Variants in BAAT observed in about 807,000 individuals in gnomAD.
The protein encoded by BAAT is bile acid CoA: amino acid N-acyltransferase (glycine N-choloyltransferase).
In BAAT, 13 loss-of-function variants were observed where a neutral mutation model predicts 18.9. The observed-to-expected ratio is 0.69, with a 90% CI of 0.45 to 1.10. BAAT has a LOEUF of 1.10. BAAT is among the 50% of genes least tolerant of loss of function. The pLI is 0.00. For synonymous variants in BAAT, 170 were observed against 190.7 expected, an observed-to-expected ratio of 0.89 and a Z score of 0.89; for missense variants, 489 against 504.0, an observed-to-expected ratio of 0.97 and a Z score of 0.28.
intron 1 of BAAT, among the ~76,000 whole-genome samples, chr9:101,374,840 T>A (rs1279618705): frequency 2.0e-5 from 3 of 146,964 alleles, no homozygotes; most frequent in Non-Finnish European, 3.0e-5. Flanking sequence ...CTGCTTTATT[T>A]AAAAAAAAAA....
chr9:101,367,597 T>C (rs1300900522), intron 3 of BAAT, among the ~76,000 whole-genome samples: 1 of 151,756 alleles, frequency 6.6e-6, no homozygotes, highest in Non-Finnish European at 1.5e-5. Context: ...CGATCTTTCC[T>C]CCTCAGCCCC....
Position 101,362,677 on chromosome 9 carries a change from G to T in BAAT, c.1008C>A (p.His336Gln), listed in dbSNP as rs144681311. The T allele has an allele frequency of 2.5e-6, 4 of 1,614,134 alleles. No individual in the cohort carries two copies. The highest frequency in any genetic ancestry group is 3.4e-6 in the Non-Finnish European group (4 of 1,180,018). ...TCAGCTGTCCTATGGCTTGTTCAGC[G>T]TGTGCTTTGCTGTTGATAGTCTTAT... Reference protein sequence around the residue: ...EGDKTINSKAHAEQAIGQLKR... With the variant: ...EGDKTINSKAQAEQAIGQLKR... Residue 336 changes from histidine (H) to glutamine (Q), a missense_variant, in exon 4 of 4, where the codon CAC becomes CAA. Physicochemically the swap from His to Gln is conservative, Grantham distance 24 (BLOSUM62 0). Coordinates refer to ENST00000259407, the MANE Select transcript of BAAT (RefSeq NM_001701.4).
At chr9:101,364,406 A>C (rs994442565) in intron 3 of BAAT, among the ~76,000 whole-genome samples, 1 of 152,212 alleles carries the variant, frequency 6.6e-6, no homozygotes, top group Admixed American at 6.5e-5. Context: ...AGAAATGTCA[A>C]TCTAATCTCC....
chr9:101,374,352 C>A (rs1441711452), intron 1 of BAAT, among the ~76,000 whole-genome samples: 1 of 152,126 alleles, frequency 6.6e-6, no homozygotes, highest in Non-Finnish European at 1.5e-5. Flanking sequence ...TCTTTAAGCA[C>A]CAACATTTTA....
At chr9:101,374,174 A>G (rs1678539590) in intron 1 of BAAT, among the ~76,000 whole-genome samples, 1 of 152,168 alleles carries the variant, frequency 6.6e-6, no homozygotes. Flanking sequence ...ACTAAATCCA[A>G]ACAGTACACA....
rs1412368758 is a variant in BAAT, at chr9:101,370,897, T to A, written c.466+42A>T. 4 of 1,591,316 alleles carry A rather than the reference T, an allele frequency of 2.5e-6. No homozygotes were observed. In the East Asian group the frequency reaches 8.9e-5, roughly 36 times the overall value. ...TTCTAGACGGATAATGTATTTAAAGTGGAAAAACAAGAATAACAATAAGCA... is the reference window on the plus strand; with the variant it reads ...TTCTAGACGGATAATGTATTTAAAGAGGAAAAACAAGAATAACAATAAGCA... On this transcript the variant is annotated intron_variant, in intron 2 of 3. Transcript: ENST00000259407.
Position 101,362,793 on chromosome 9 carries a change from T to G in BAAT, c.892A>C (p.Thr298Pro). ...NALGLLELYR[T>P]FETTQVGASQ... is the part of the protein sequence containing the mutation. ...GCCCCAACTTGAGTTGTCTCAAAAG[T>G]GCGATAGAGCTCTAGTAACCCCAAG... The change falls in exon 4 of 4, where the codon ACT (threonine) becomes CCT (proline). Residue 298 changes from threonine to proline, a missense_variant. By Grantham distance (38) the Thr-to-Pro change is conservative. Coordinates refer to ENST00000259407, the MANE Select transcript of BAAT (RefSeq NM_001701.4). 6.2e-7 allele frequency: 1 copy of G among 1,614,132 alleles called. No individual in the cohort carries two copies. Among genetic ancestry groups the G allele is most frequent in the Non-Finnish European group, 8.5e-7 (1 of 1,180,028 alleles).
chr9:101,382,688 G>A (rs528910497), intron 1 of BAAT, among the ~76,000 whole-genome samples: 6 of 152,110 alleles, frequency 3.9e-5, no homozygotes, highest in South Asian at 2.1e-4. Flanking sequence ...TCTTTCTTTC[G>A]AGGAGGCAAG....
Position 101,364,473 on chromosome 9 carries a change from C to A in BAAT, c.670-1458G>T, listed in dbSNP as rs1829792832. ...AAAGTTTGAACCACCTATCACCAAA[C>A]CTGTTATGTAAGAGAATAAGATACC... On this transcript the variant is annotated intron_variant, in intron 3 of 3. Transcript: ENST00000259407. Among the ~76,000 whole-genome samples the A allele has an allele frequency of 3.3e-5, 5 of 152,278 alleles. No individual in the cohort carries two copies. The South Asian group carries it at 8.3e-4, about 25-fold the overall frequency.
chr9:101,369,692 A>G (rs1356289081), intron 2 of BAAT, among the ~76,000 whole-genome samples: 1 of 152,188 alleles, frequency 6.6e-6, no homozygotes. Flanking sequence ...ATACATAATA[A>G]AGTGGTCTAT....
intron 1 of BAAT, among the ~76,000 whole-genome samples, chr9:101,380,701 G>T (rs1830118138): frequency 3.3e-5 from 5 of 152,200 alleles, no homozygotes. Flanking sequence ...AACAGTAGGA[G>T]ATATGTCAAT....
chr9:101,378,340 T>A (rs868659617), intron 1 of BAAT, among the ~76,000 whole-genome samples: 1 of 152,128 alleles, frequency 6.6e-6, no homozygotes, highest in Non-Finnish European at 1.5e-5. Context: ...ACTACAAGGC[T>A]ACAGTAAACA....
chr9:101,368,348 A>G, intron 2 of BAAT, 26 bp from the exon 3 acceptor site: 1 of 1,600,588 alleles, frequency 6.2e-7, no homozygotes, highest in Non-Finnish European at 8.5e-7. Context: ...ACAGAATTGT[A>G]CATGAAGAGA....
At chr9:101,374,392 C>CTTATTA (rs142878878) in intron 1 of BAAT, among the ~76,000 whole-genome samples, 10,365 of 152,200 alleles carry the variant, frequency 0.068, 467 homozygotes, top group South Asian at 0.14. Context: ...AGCCACATTT[C>CTTATTA]TAAGTTCAGC....
rs1157565994 is a variant in BAAT at position 101,368,115 on chromosome 9, A to G, written c.669+5T>C. ...ACTCAAACCTACTGAAAAGACAAAAATTACCTTTGGATGTCTCAGGAGAAA... is the reference window on the plus strand; with the variant it reads ...ACTCAAACCTACTGAAAAGACAAAAGTTACCTTTGGATGTCTCAGGAGAAA... On this transcript the variant is annotated splice_donor_5th_base_variant and intron_variant, in intron 3 of 3. Coordinates refer to ENST00000259407, the MANE Select transcript of BAAT (RefSeq NM_001701.4). The G allele has an allele frequency of 3.7e-6, 6 of 1,612,974 alleles. No individual in the cohort carries two copies. The highest frequency in any genetic ancestry group is 1.3e-5 in the African/African-American group (1 of 74,894).
At chr9:101,363,302 C>A (rs1235950845) in intron 3 of BAAT, among the ~76,000 whole-genome samples, 1 of 152,106 alleles carries the variant, frequency 6.6e-6, no homozygotes, top group Non-Finnish European at 1.5e-5. Flanking sequence ...TAAGAAATGG[C>A]ACATGACTAT....
intron 1 of BAAT, among the ~76,000 whole-genome samples, chr9:101,382,653 A>G (rs1830150447): frequency 6.6e-6 from 1 of 152,098 alleles, no homozygotes; most frequent in Admixed American, 6.6e-5. Context: ...GGTCTCTTTT[A>G]CTGCCTTATG....
In BAAT at chr9:101,384,941, A is replaced by C. The variant is rs1168748252; in HGVS notation, c.-146T>G. Among the ~76,000 whole-genome samples the C allele has an allele frequency of 2.0e-5, 3 of 152,162 alleles. No homozygotes were observed. Among genetic ancestry groups the C allele is most frequent in the African/African-American group, 7.2e-5 (3 of 41,448 alleles). On this transcript the variant is annotated 5_prime_UTR_variant, in exon 1 of 4. Coordinates refer to ENST00000259407, the MANE Select transcript of BAAT (RefSeq NM_001701.4). ...GGTCTGAGAAATAAAGAGAAAGAGTACAAAGAGAGGAATTTACAGCTGGGC... is the reference window on the plus strand; with the variant it reads ...GGTCTGAGAAATAAAGAGAAAGAGTCCAAAGAGAGGAATTTACAGCTGGGC...
At chr9:101,375,145 A>G (rs1431570088) in intron 1 of BAAT, among the ~76,000 whole-genome samples, 1 of 152,174 alleles carries the variant, frequency 6.6e-6, no homozygotes, top group Non-Finnish European at 1.5e-5. Context: ...TCTCACAAGA[A>G]CTGATGGTTT....
Sources: allele counts gnomAD v4.1 joint callset (sites outside exome capture counted in the v4.1 genomes callset), GRCh38; gene constraint gnomAD v4.1.1; transcripts MANE v1.5; gene names NCBI Gene and HGNC (gene_info 2026-07-23, HGNC 2026-07-21).